SLC7A14: variants seen among roughly 807,000 people sequenced by gnomAD.
SLC7A14 encodes gamma-aminobutyric acid transporter SLC7A14.
Under a neutral mutation model 60.2 loss-of-function variants are expected in SLC7A14, and 37 were observed. That is an observed-to-expected ratio of 0.61 (90% CI 0.47 to 0.81). The LOEUF (loss-of-function observed/expected upper bound fraction) is 0.81, where lower values mean the gene tolerates loss of function less well. Ranked by LOEUF, SLC7A14 falls within the 30% of genes least tolerant of loss-of-function variation. SLC7A14 has a pLI of 0.00. For synonymous variants in SLC7A14, 399 were observed against 395.8 expected (o/e 1.01, Z -0.10); for missense variants, 886 against 982.7 (o/e 0.90, Z 1.32).
chr3:170,478,831 G>T (rs1711716641), intron 7 of SLC7A14, among the ~76,000 whole-genome samples: 1 of 152,090 alleles, frequency 6.6e-6, no homozygotes, highest in African/African-American at 2.4e-5. Context: ...TCATCACTAA[G>T]AGTCTCTGTG....
At chr3:170,481,723 G>C (rs6788596) in intron 6 of SLC7A14, among the ~76,000 whole-genome samples, 76,334 of 151,898 alleles carry the variant, frequency 0.5, 20,938 homozygotes, top group Non-Finnish European at 0.62. Context: ...TTAAGGCAAA[G>C]TTCTTTAGTA....
At chr3:170,583,084 G>A (rs576065204) in intron 1 of SLC7A14, among the ~76,000 whole-genome samples, 4 of 152,116 alleles carry the variant, frequency 2.6e-5, no homozygotes, top group Admixed American at 6.5e-5. Flanking sequence ...AAATCCTTAG[G>A]TCTTATTAGG....
chr3:170,473,622 G>A lies in SLC7A14; in HGVS notation c.1994-6245C>T, dbSNP rs1441615300. Among the ~76,000 whole-genome samples, 9 of 152,342 alleles carry A rather than the reference G, an allele frequency of 5.9e-5. No homozygotes were observed. The South Asian group carries it at 1.7e-3, about 28-fold the overall frequency. ...ACAGACATTTGCCGAAGCAGAAAGG[G>A]AGACTGGGTGGTAATGAGAAGGTAT... is the stretch of plus-strand genomic sequence containing the variant. On this transcript the variant is annotated intron_variant, in intron 7 of 7. Transcript: ENST00000231706.
At chr3:170,474,709 T>C (rs1332023672) in intron 7 of SLC7A14, among the ~76,000 whole-genome samples, 1 of 152,218 alleles carries the variant, frequency 6.6e-6, no homozygotes, top group Non-Finnish European at 1.5e-5. Flanking sequence ...GGATTTCAGA[T>C]AATAGCTCAG....
chr3:170,571,395 G>C (rs1436002785), intron 1 of SLC7A14, among the ~76,000 whole-genome samples: 5 of 152,304 alleles, frequency 3.3e-5, no homozygotes, highest in African/African-American at 1.2e-4. Context: ...TGAGGATCTA[G>C]GCCTTTGTTT....
At chr3:170,569,762 T>G (rs550020222) in intron 1 of SLC7A14, among the ~76,000 whole-genome samples, 1 of 152,322 alleles carries the variant, frequency 6.6e-6, no homozygotes, top group Admixed American at 6.5e-5. Context: ...TCCAGGAATT[T>G]ATCCATTTTT....
chr3:170,581,434 T>C (rs984167035), intron 1 of SLC7A14, among the ~76,000 whole-genome samples: 3 of 152,140 alleles, frequency 2.0e-5, no homozygotes, highest in Non-Finnish European at 4.4e-5. Context: ...GATTTCCTAG[T>C]TATTATTTTT....
chr3:170,492,374 G>A (rs986534988), intron 4 of SLC7A14, among the ~76,000 whole-genome samples: 5 of 152,172 alleles, frequency 3.3e-5, no homozygotes, highest in African/African-American at 1.2e-4. Context: ...GTGTGGTTGT[G>A]TGCACCTGTA....
intron 2 of SLC7A14, among the ~76,000 whole-genome samples, chr3:170,512,931 G>A (rs1414423624): frequency 9.2e-5 from 14 of 152,100 alleles, no homozygotes; most frequent in Admixed American, 9.2e-4. Context: ...ACCTGCTGCT[G>A]GTCTATGAGG....
chr3:170,526,538 C>T, intron 2 of SLC7A14, 95 bp downstream of exon 2: 1 of 1,461,138 alleles, frequency 6.8e-7, no homozygotes, highest in Non-Finnish European at 9.3e-7. Context: ...CCACTTCATA[C>T]ATCTCACCAC....
At position 170,465,759 on chromosome 3, in the gene SLC7A14, T is replaced by C. The variant is rs1391958406; in HGVS notation, c.*1296A>G. On this transcript the variant is annotated 3_prime_UTR_variant, in exon 8 of 8. Transcript: ENST00000231706. Reference sequence around the variant, plus strand: ...TATCTCAGTGCAGCCACAGGAATTCTTGTAACCCAAGAGTAGAATTTATAT... The same window carrying C: ...TATCTCAGTGCAGCCACAGGAATTCCTGTAACCCAAGAGTAGAATTTATAT... 6.6e-6 allele frequency: 1 copy of C among 152,256 alleles called. No homozygotes were observed. Among genetic ancestry groups the C allele is most frequent in the Non-Finnish European group, 1.5e-5 (1 of 68,048 alleles). 9.4% of individuals were successfully genotyped at this position (152,256 alleles called of 1,614,324 possible).
intron 2 of SLC7A14, among the ~76,000 whole-genome samples, chr3:170,526,275 G>A (rs1577537332): frequency 1.3e-5 from 2 of 150,866 alleles, no homozygotes; most frequent in African/African-American, 4.9e-5. Flanking sequence ...GGTGGCGGGC[G>A]CCTATAATCC....
rs202048294 is a variant in SLC7A14, at chr3:170,480,616, G to A, written c.1666C>T (p.Arg556Trp). The change falls in exon 7 of 8, where the codon CGG becomes TGG. Residue 556 changes from arginine (R) to tryptophan (W), a missense_variant. Arg to Trp is a moderately radical substitution (Grantham distance 101). Transcript: ENST00000231706. ...IRLGLPGKMDRPTAATGHTVT... is the reference protein window; with the variant it reads ...IRLGLPGKMDWPTAATGHTVT... ...GTGTGCCCCGTCGCTGCTGTGGGCC[G>A]GTCCATTTTGCCTGGAAGGCCCAGC... 2.7e-5 allele frequency: 44 copies of A among 1,614,104 alleles called. No individual in the cohort carries two copies. The highest frequency in any genetic ancestry group is 3.3e-5 in the Non-Finnish European group (39 of 1,180,046).
At chr3:170,572,564 A>G (rs373601447) in intron 1 of SLC7A14, among the ~76,000 whole-genome samples, 2 of 152,338 alleles carry the variant, frequency 1.3e-5, no homozygotes. Flanking sequence ...AGTTTTCTCT[A>G]GATTCTTAAT....
At chr3:170,487,057 A>C (rs900722212) in intron 4 of SLC7A14, among the ~76,000 whole-genome samples, 2 of 148,008 alleles carry the variant, frequency 1.4e-5, no homozygotes, top group Non-Finnish European at 3.0e-5. Context: ...CTTCACTGGG[A>C]AGACATGGTA....
intron 2 of SLC7A14, among the ~76,000 whole-genome samples, chr3:170,522,030 G>A (rs1334916397): frequency 6.6e-6 from 1 of 152,088 alleles, no homozygotes; most frequent in African/African-American, 2.4e-5. Flanking sequence ...AACATCATTA[G>A]TAATTAGCAT....
At chr3:170,492,369 GTTGTGTGCAC>G (rs956653888) in intron 4 of SLC7A14, among the ~76,000 whole-genome samples, 1 of 152,188 alleles carries the variant, frequency 6.6e-6, no homozygotes, top group Non-Finnish European at 1.5e-5. Context: ...GCTAGGTGTG[GTTGTGTGCAC>G]CTGTAGTTCC....
Position 170,536,907 on chromosome 3 carries a change from G to A in SLC7A14, c.-152-9819C>T, listed in dbSNP as rs140997518. ...AGATCATCCAGCCTGGCACCTTCAT[G>A]CCATGTGTAATCTGAGCCCCCAGAA... On this transcript the variant is annotated intron_variant, in intron 1 of 7. Coordinates refer to ENST00000231706, the MANE Select transcript of SLC7A14 (RefSeq NM_020949.3). Among the ~76,000 whole-genome samples the A allele has an allele frequency of 2.5e-3, 382 of 152,260 alleles. 4 individuals carry two copies. The highest frequency in any genetic ancestry group is 5.1e-3 in the Admixed American group (78 of 15,284).
intron 4 of SLC7A14, among the ~76,000 whole-genome samples, chr3:170,494,343 C>T (rs1712315182): frequency 6.6e-6 from 1 of 152,238 alleles, no homozygotes; most frequent in South Asian, 2.1e-4. Flanking sequence ...TTATGCCTGA[C>T]TTCTGATCTT....
Sources: gnomAD v4.1 joint callset for allele counts (sites outside exome capture counted in the v4.1 genomes callset) on GRCh38, gnomAD v4.1.1 for gene constraint, MANE v1.5 for transcripts, NCBI Gene and HGNC (gene_info 2026-07-23, HGNC 2026-07-21) for gene names.